RAPGEF5: variants seen among roughly 807,000 people sequenced by gnomAD.
The protein encoded by RAPGEF5 is Rap guanine nucleotide exchange factor 5.
Under a neutral mutation model 125.2 loss-of-function variants are expected in RAPGEF5, and 65 were observed. That is an observed-to-expected ratio of 0.52 (90% CI 0.43 to 0.64). The LOEUF is 0.64. RAPGEF5 is among the 30% of genes least tolerant of loss of function. The pLI is 0.00. For synonymous variants in RAPGEF5, 391 were observed against 385.9 expected (o/e 1.01, Z -0.16); for missense variants, 958 against 1,048.1 (o/e 0.91, Z 1.19).
intron 5 of RAPGEF5, among the ~76,000 whole-genome samples, chr7:22,301,614 CA>C (rs35404390): frequency 0.39 from 33,153 of 83,950 alleles, 2,584 homozygotes; most frequent in East Asian, 0.53. Flanking sequence ...GACTCTGTCT[CA>C]AAAAAAAAAA....
intron 1 of RAPGEF5, among the ~76,000 whole-genome samples, chr7:22,341,968 G>A (rs997546384): frequency 6.6e-6 from 1 of 152,192 alleles, no homozygotes; most frequent in East Asian, 1.9e-4. Flanking sequence ...AGGTGGTAGA[G>A]AGCTGTCCCC....
chr7:22,205,901 G>C (rs1785386152), intron 9 of RAPGEF5, among the ~76,000 whole-genome samples: 1 of 152,186 alleles, frequency 6.6e-6, no homozygotes, highest in African/African-American at 2.4e-5. Flanking sequence ...ATTTCACAGA[G>C]TAAATTTTTA....
chr7:22,287,957 G>A (rs542460801), intron 6 of RAPGEF5, among the ~76,000 whole-genome samples: 3 of 152,274 alleles, frequency 2.0e-5, no homozygotes, highest in South Asian at 4.1e-4. Context: ...TTTGCAGGCC[G>A]ATTGCCCACC....
intron 5 of RAPGEF5, among the ~76,000 whole-genome samples, chr7:22,292,008 A>G (rs1782946830): frequency 1.3e-5 from 2 of 152,230 alleles, no homozygotes; most frequent in African/African-American, 4.8e-5. Flanking sequence ...AAAGAAAAAA[A>G]CTGACTAATG....
intron 20 of RAPGEF5, among the ~76,000 whole-genome samples, chr7:22,142,946 T>A (rs1023763680): frequency 6.6e-6 from 1 of 152,200 alleles, no homozygotes; most frequent in South Asian, 2.1e-4. Flanking sequence ...TTCCATGGGT[T>A]AGGGATAGAG....
At chr7:22,248,617 C>G (rs760142672) in intron 7 of RAPGEF5, among the ~76,000 whole-genome samples, 6 of 152,122 alleles carry the variant, frequency 3.9e-5, no homozygotes, top group Non-Finnish European at 7.3e-5. Context: ...TTGATAATCT[C>G]CTATTTCCTT....
At chr7:22,182,317 T>C (rs1784699513) in intron 11 of RAPGEF5, among the ~76,000 whole-genome samples, 1 of 152,198 alleles carries the variant, frequency 6.6e-6, no homozygotes, top group Non-Finnish European at 1.5e-5. Context: ...CCGTTGACAC[T>C]GTCTTAAACA....
At chr7:22,205,385 G>C (rs1181545029) in intron 9 of RAPGEF5, among the ~76,000 whole-genome samples, 1 of 152,138 alleles carries the variant, frequency 6.6e-6, no homozygotes, top group Non-Finnish European at 1.5e-5. Flanking sequence ...TAAAACTTTG[G>C]ATTTTTACAG....
chr7:22,284,738 G>A (rs540983440), intron 6 of RAPGEF5, among the ~76,000 whole-genome samples: 47 of 152,270 alleles, frequency 3.1e-4, no homozygotes, highest in African/African-American at 8.9e-4. Flanking sequence ...ATCAGGCTGC[G>A]ATAGTCTAAG....
At chr7:22,132,074 C>T (rs1364647881) in intron 23 of RAPGEF5, among the ~76,000 whole-genome samples, 1 of 152,094 alleles carries the variant, frequency 6.6e-6, no homozygotes, top group East Asian at 1.9e-4. Flanking sequence ...CTTTAAAAAT[C>T]TTGTAAAAAT....
chr7:22,266,653 A>T (rs1303812792), intron 7 of RAPGEF5, among the ~76,000 whole-genome samples: 5 of 152,206 alleles, frequency 3.3e-5, no homozygotes, highest in Non-Finnish European at 5.9e-5. Flanking sequence ...TGATCGGCTT[A>T]CTTTGTCATG....
chr7:22,308,327 G>T lies in RAPGEF5; in HGVS notation c.680+12C>A, dbSNP rs1783391779. Reference sequence around the variant, plus strand: ...TGTAAGAATACAATGGCACAAGAGAGCATCTACTTACAGTTCACAGATGCC... The same window carrying T: ...TGTAAGAATACAATGGCACAAGAGATCATCTACTTACAGTTCACAGATGCC... On this transcript the variant is annotated intron_variant, in intron 5 of 25. Coordinates refer to ENST00000665637, the MANE Select transcript of RAPGEF5 (RefSeq NM_012294.5). 1.9e-6 allele frequency: 3 copies of T among 1,574,670 alleles called. No homozygotes were observed. In the African/African-American group the frequency reaches 4.0e-5, roughly 21 times the overall value.
In RAPGEF5 at chr7:22,145,027, T is replaced by C. The variant is rs757635386; in HGVS notation, c.2186+17A>G. 6 of 1,609,548 alleles carry C rather than the reference T, an allele frequency of 3.7e-6. No individual in the cohort carries two copies. In the South Asian group the frequency reaches 4.4e-5, roughly 12 times the overall value. On this transcript the variant is annotated intron_variant, in intron 20 of 25. Coordinates refer to ENST00000665637, the MANE Select transcript of RAPGEF5 (RefSeq NM_012294.5). Reference sequence around the variant, plus strand: ...AAGAAGACTAGAGGAATGGCACTTCTCACACTAGAAACTTACTGAGCCGCA... The same window carrying C: ...AAGAAGACTAGAGGAATGGCACTTCCCACACTAGAAACTTACTGAGCCGCA...
chr7:22,257,965 GA>G (rs1223082397), intron 7 of RAPGEF5, among the ~76,000 whole-genome samples: 1 of 151,994 alleles, frequency 6.6e-6, no homozygotes, highest in Admixed American at 6.5e-5. Context: ...TATAATATGG[GA>G]AAAAAGGAAT....
At chr7:22,319,544 C>A (rs1017873635) in intron 1 of RAPGEF5, among the ~76,000 whole-genome samples, 6 of 152,132 alleles carry the variant, frequency 3.9e-5, no homozygotes, top group Non-Finnish European at 5.9e-5. Flanking sequence ...ATTTTTAATT[C>A]CCAGCCTTCT....
At chr7:22,349,590 C>T (rs73683360) in intron 1 of RAPGEF5, among the ~76,000 whole-genome samples, 148 of 152,200 alleles carry the variant, frequency 9.7e-4, no homozygotes, top group African/African-American at 2.7e-3. Context: ...ATCAAATTAT[C>T]ACATGTACCC....
intron 11 of RAPGEF5, among the ~76,000 whole-genome samples, chr7:22,171,073 G>C (rs746757058): frequency 6.7e-6 from 1 of 150,184 alleles, no homozygotes; most frequent in South Asian, 2.1e-4. Context: ...TGAGTGGTAT[G>C]AATGAAAATA....
At chr7:22,296,146 C>G (rs1198635329) in intron 5 of RAPGEF5, among the ~76,000 whole-genome samples, 1 of 152,030 alleles carries the variant, frequency 6.6e-6, no homozygotes, top group Non-Finnish European at 1.5e-5. Flanking sequence ...AGGGCACATC[C>G]AAAGTGAGAG....
intron 19 of RAPGEF5, among the ~76,000 whole-genome samples, chr7:22,145,513 A>T (rs1783406926): frequency 6.6e-6 from 1 of 152,242 alleles, no homozygotes; most frequent in Non-Finnish European, 1.5e-5. Flanking sequence ...GGATAAAAGG[A>T]ATCCCCAAAT....
Sources: gnomAD v4.1 joint callset for allele counts (sites outside exome capture counted in the v4.1 genomes callset) on GRCh38, gnomAD v4.1.1 for gene constraint, MANE v1.5 for transcripts, NCBI Gene and HGNC (gene_info 2026-07-23, HGNC 2026-07-21) for gene names.